The following LRWD1 variants were observed in gnomAD, a reference collection of about 807,000 sequenced individuals.
The protein encoded by LRWD1 is leucine rich repeats and WD repeat domain containing 1, also known as leucine-rich repeat and WD repeat-containing protein 1.
In LRWD1, 76 loss-of-function variants were observed where a neutral mutation model predicts 75.6. The ratio of observed to expected loss-of-function variants is 1.01; its 90% confidence interval spans 0.84 to 1.22. The LOEUF (loss-of-function observed/expected upper bound fraction) is 1.22. LRWD1 is among the 50% of genes most tolerant of loss of function. The pLI, the probability that LRWD1 is intolerant of heterozygous loss-of-function variation, is 0.00. For missense variants in LRWD1, 917 were observed against 862.0 expected (o/e 1.06, Z -0.80); for synonymous variants, 487 against 377.0 (o/e 1.29, Z -3.38).
intron 7 of LRWD1, 85 bp from the exon 8 acceptor site, chr7:102,468,469 A>C: frequency 6.5e-7 from 1 of 1,540,028 alleles, no homozygotes; most frequent in Non-Finnish European, 8.8e-7. Flanking sequence ...AAAAGGCGCC[A>C]TCAAGGCTGG....
Position 102,472,467 on chromosome 7 carries a change from CG to C in LRWD1, c.1550del (p.Gly517AlafsTer70). On this transcript the variant is annotated frameshift_variant, in exon 13 of 15. Transcript: ENST00000292616. LOFTEE classifies it high-confidence loss of function. ...NEDIVASKGSGLGTICLWSWR... is the reference protein window; with the variant it reads ...NEDIVASKGSXLGTICLWSWR... ...TCTCCCCCACAGCCTCCAAGGGGAG[CG>C]GCCTGGGCACCATCTGCCTGTGGAG... is the stretch of plus-strand genomic sequence containing the variant. 1 of 1,535,072 alleles carries C rather than the reference CG, an allele frequency of 6.5e-7. No homozygotes were observed. The highest frequency in any genetic ancestry group is 8.8e-7 in the Non-Finnish European group (1 of 1,138,072).
At chr7:102,467,166 T>TGG (rs1181019609) in intron 3 of LRWD1, among the ~76,000 whole-genome samples, 173 bp from the exon 4 acceptor site, 17 of 53,186 alleles carry the variant, frequency 3.2e-4, no homozygotes, top group East Asian at 2.7e-3. Flanking sequence ...CTGGGGTGTG[T>TGG]GTGGGGTGTG....
In LRWD1 at chr7:102,468,343, GTGGGCCTGTGCCTTCGAGCCGGCC is replaced by G. The variant is rs756873860; in HGVS notation, c.890_913del (p.Ala297_Trp304del). 16 of 1,611,908 alleles carry G rather than the reference GTGGGCCTGTGCCTTCGAGCCGGCC, an allele frequency of 9.9e-6. No homozygotes were observed. The highest frequency in any genetic ancestry group is 8.5e-7 in the Non-Finnish European group (1 of 1,179,378). ...GCCCCCAGGACCTCGAGACCCAGCT[GTGGGCCTGTGCCTTCGAGCCGGCC>G]TGGGAGGAGGGTACATGGTGGCGGG... On this transcript the variant is annotated inframe_deletion, in exon 7 of 15. Transcript: ENST00000292616.
At chr7:102,469,346 AG>A (rs993952811) in intron 9 of LRWD1, among the ~76,000 whole-genome samples, 13 of 152,146 alleles carry the variant, frequency 8.5e-5, no homozygotes, top group African/African-American at 3.1e-4. Context: ...GCCCCTGTCA[AG>A]GGGGATGGAT....
In LRWD1 at chr7:102,468,078, T is replaced by C; in HGVS notation, c.695T>C (p.Leu232Ser). Residue 232 changes from leucine (L) to serine (S), a missense_variant, in exon 6 of 15, where the codon TTG (leucine) becomes TCG (serine). Physicochemically the swap from Leu to Ser is moderately radical, Grantham distance 145. Transcript: ENST00000292616. ...CCTCCACAGGCCAGACTGGCGGCCT[T>C]GAAACGGCCAGACGACGTCCCACTC... The part of the protein sequence containing the change: ...AHKPRARLAA[L>S]KRPDDVPLSL... 1 of 1,608,910 alleles carries C rather than the reference T, an allele frequency of 6.2e-7. No homozygotes were observed. Among genetic ancestry groups the C allele is most frequent in the Non-Finnish European group, 8.5e-7 (1 of 1,179,654 alleles).
chr7:102,467,494 C>T lies in LRWD1; in HGVS notation c.573+15C>T, dbSNP rs1798046324. On this transcript the variant is annotated intron_variant, in intron 4 of 14. Coordinates refer to ENST00000292616, the MANE Select transcript of LRWD1 (RefSeq NM_152892.3). ...CCCAGTGGCGGGTATGTCCCTGTCC[C>T]AATGTGCAGGGAGTCACTGGCTCTC... 1 of 1,611,194 alleles carries T rather than the reference C, an allele frequency of 6.2e-7. No homozygotes were observed. Among genetic ancestry groups the T allele is most frequent in the Non-Finnish European group, 8.5e-7 (1 of 1,179,668 alleles).
chr7:102,466,803 CA>C (rs1797997299), intron 3 of LRWD1, among the ~76,000 whole-genome samples: 1 of 108,826 alleles, frequency 9.2e-6, no homozygotes, highest in South Asian at 3.3e-4. Flanking sequence ...TTTTTAGAGA[CA>C]GGGTCTCGCT....
Position 102,467,465 on chromosome 7 carries a change from T to C in LRWD1, c.559T>C (p.Phe187Leu), listed in dbSNP as rs1315101680. 1 of 1,613,460 alleles carries C rather than the reference T, an allele frequency of 6.2e-7. No homozygotes were observed. The highest frequency in any genetic ancestry group is 8.5e-7 in the Non-Finnish European group (1 of 1,179,914). The change falls in exon 4 of 15, where the codon TTC becomes CTC. Residue 187 changes from phenylalanine to leucine, a missense_variant. Transcript: ENST00000292616. ...CTACGGGCCCGAGTCCCTCAGCGAG[T>C]TCACCCAGTGGCGGGTATGTCCCTG... ...VRYGPESLSE[F>L]TQWRVRMISE... is the part of the protein sequence containing the mutation.
At position 102,466,150 on chromosome 7, in the gene LRWD1, C is replaced by T. The variant is rs1457293127; in HGVS notation, c.316-4C>T. On this transcript the variant is annotated splice_polypyrimidine_tract_variant and splice_region_variant and intron_variant, in intron 2 of 14. Coordinates refer to ENST00000292616, the MANE Select transcript of LRWD1 (RefSeq NM_152892.3). ...GCCACTGCTCTTCACCCTCTCTTCC[C>T]CAGGTCAATGACAACCTGAAAGTCT... 1 of 1,613,876 alleles carries T rather than the reference C, an allele frequency of 6.2e-7. No homozygotes were observed. The highest frequency in any genetic ancestry group is 8.5e-7 in the Non-Finnish European group (1 of 1,179,738).
Position 102,466,443 on chromosome 7 carries a change from C to T in LRWD1, c.432+173C>T, listed in dbSNP as rs534768172. Among the ~76,000 whole-genome samples the T allele has an allele frequency of 2.0e-5, 3 of 152,262 alleles. No homozygotes were observed. In the East Asian group the frequency reaches 5.8e-4, roughly 29 times the overall value. ...ATTTATTTATTTTTTGAGATGGAGT[C>T]TCACTCCGTCGCCCAGGCTGGAGTG... On this transcript the variant is annotated intron_variant, in intron 3 of 14. Transcript: ENST00000292616.
intron 3 of LRWD1, among the ~76,000 whole-genome samples, chr7:102,466,539 C>T (rs568739554): frequency 1.3e-5 from 2 of 152,072 alleles, no homozygotes; most frequent in Admixed American, 1.3e-4. Flanking sequence ...CTCAGCCTCC[C>T]GAGTAACTAG....
chr7:102,470,023 C>A, intron 11 of LRWD1, 141 bp downstream of exon 11: 2 of 1,074,088 alleles, frequency 1.9e-6, no homozygotes, highest in Non-Finnish European at 2.5e-6. Flanking sequence ...GCTGGCTTGT[C>A]CCACCTTTCT....
In LRWD1 at chr7:102,472,599, C is replaced by G; in HGVS notation, c.1680C>G (p.Ser560Arg). The G allele has an allele frequency of 6.2e-7, 1 of 1,608,886 alleles. No homozygotes were observed. Among genetic ancestry groups the G allele is most frequent in the Non-Finnish European group, 8.5e-7 (1 of 1,177,520 alleles). The change falls in exon 13 of 15, where the codon AGC becomes AGG. Residue 560 changes from serine to arginine, a missense_variant. Ser to Arg is a moderately radical substitution (Grantham distance 110). Transcript: ENST00000292616. ...SSTELAYFSL[S>R]ACPDKGIVLC... ...CCGAGTTGGCCTACTTCTCGCTCAG[C>G]GCCTGCCCTGGTGAGCCTGCCCCCC...
chr7:102,469,119 G>T, intron 9 of LRWD1, 57 bp downstream of exon 9: 2 of 1,459,020 alleles, frequency 1.4e-6, no homozygotes, highest in Non-Finnish European at 1.9e-6. Context: ...TGCTGCCCCA[G>T]TAGCCTCCAC....
chr7:102,468,231 T>C (rs746057753), intron 6 of LRWD1, 32 bp from the exon 7 acceptor site: 1 of 1,598,994 alleles, frequency 6.3e-7, no homozygotes, highest in East Asian at 2.3e-5. Context: ...GAGTCGGGGC[T>C]GGGCAGCTGT....
chr7:102,466,313 G>A (rs1347819244), intron 3 of LRWD1, 43 bp downstream of exon 3: 3 of 1,488,088 alleles, frequency 2.0e-6, no homozygotes, highest in African/African-American at 2.8e-5. Context: ...GAGCTGTGGG[G>A]GCATTGGGAG....
In LRWD1 at chr7:102,473,103, G is replaced by A. The variant is rs1386203415; in HGVS notation, c.*54G>A. 6.7e-7 allele frequency: 1 copy of A among 1,495,168 alleles called. No individual in the cohort carries two copies. Among genetic ancestry groups the A allele is most frequent in the African/African-American group, 1.5e-5 (1 of 66,182 alleles). 92.6% of individuals were successfully genotyped at this position (1,495,168 alleles called of 1,614,324 possible). ...ACAGCTAACTAACTTATTCAGCTTT[G>A]GGCCGATGGGGGTGGGGGGGGGTCT... On this transcript the variant is annotated 3_prime_UTR_variant, in exon 15 of 15. Coordinates refer to ENST00000292616, the MANE Select transcript of LRWD1 (RefSeq NM_152892.3).
In LRWD1 at chr7:102,467,171, G is replaced by GGTGTGT. The variant is rs1209487514; in HGVS notation, c.433-129_433-124dup. ...TGGGTTGTTGCTGGGGTGTGTGTGGGGTGTGTGTGTGTGTGTGTGTGTGTG... is the reference window on the plus strand; with the variant it reads ...TGGGTTGTTGCTGGGGTGTGTGTGGGGTGTGTGTGTGTGTGTGTGTGTGTGTGTGTG... On this transcript the variant is annotated intron_variant, in intron 3 of 14. Coordinates refer to ENST00000292616, the MANE Select transcript of LRWD1 (RefSeq NM_152892.3). 1.5e-3 allele frequency among the ~76,000 whole-genome samples: 152 copies of GGTGTGT among 99,142 alleles called. 2 individuals carry two copies. Among genetic ancestry groups the GGTGTGT allele is most frequent in the African/African-American group, 4.4e-3 (100 of 22,808 alleles). 65.0% of individuals were successfully genotyped at this position (99,142 alleles called of 152,430 possible).
intron 8 of LRWD1, 73 bp from the exon 9 acceptor site, chr7:102,468,782 C>T: frequency 1.3e-6 from 2 of 1,561,014 alleles, no homozygotes; most frequent in African/African-American, 1.4e-5. Context: ...GCTCCCTCCC[C>T]CAGGCCCGGG....
Sources: gnomAD v4.1 joint callset for allele counts (sites outside exome capture counted in the v4.1 genomes callset) on GRCh38, gnomAD v4.1.1 for gene constraint, MANE v1.5 for transcripts, NCBI Gene and HGNC (gene_info 2026-07-23, HGNC 2026-07-21) for gene names.